The following TECPR2 variants were observed in gnomAD, a reference collection of about 807,000 sequenced individuals.
TECPR2 encodes the protein tectonin beta-propeller repeat containing 2.
A neutral mutation model predicts 138.1 loss-of-function variants in TECPR2; 65 were observed. The observed-to-expected ratio is 0.47, with a 90% CI of 0.39 to 0.58. The LOEUF (loss-of-function observed/expected upper bound fraction) is 0.58. Among genes scored for constraint, TECPR2 ranks in the 20% least tolerant of loss-of-function variants. TECPR2 has a pLI of 0.00. For missense variants in TECPR2, 1,553 were observed against 1,824.5 expected, an observed-to-expected ratio of 0.85 and a Z score of 2.71; for synonymous variants, 746 against 749.8, an observed-to-expected ratio of 0.99 and a Z score of 0.08.
intron 1 of TECPR2, among the ~76,000 whole-genome samples, chr14:102,367,240 T>C (rs140008188): frequency 4.5e-4 from 69 of 152,320 alleles, no homozygotes; most frequent in African/African-American, 1.6e-3. Context: ...CCTTTGTTTT[T>C]TGGGGGGTAA....
At chr14:102,433,021 A>T (rs997393462) in intron 8 of TECPR2, among the ~76,000 whole-genome samples, 2 of 151,330 alleles carry the variant, frequency 1.3e-5, no homozygotes, top group African/African-American at 4.8e-5. Flanking sequence ...AAAAAAAAAA[A>T]GTGTTGGTTT....
At chr14:102,457,684 C>G (rs1890307860) in intron 16 of TECPR2, among the ~76,000 whole-genome samples, 1 of 152,002 alleles carries the variant, frequency 6.6e-6, no homozygotes, top group African/African-American at 2.4e-5. Flanking sequence ...GAATTTAAAA[C>G]CAACCTGGCC....
intron 13 of TECPR2, among the ~76,000 whole-genome samples, chr14:102,448,814 C>T (rs1375018601): frequency 1.3e-5 from 2 of 151,976 alleles, no homozygotes; most frequent in East Asian, 3.9e-4. Context: ...TTGCGGTGAG[C>T]CAAAATTGCA....
chr14:102,491,397 G>T (rs769013377), intron 17 of TECPR2, among the ~76,000 whole-genome samples: 6 of 152,046 alleles, frequency 3.9e-5, no homozygotes, highest in African/African-American at 9.7e-5. Context: ...TTAAATTTTG[G>T]TAGAGACAAG....
intron 2 of TECPR2, among the ~76,000 whole-genome samples, chr14:102,399,116 C>G (rs1190253288): frequency 6.6e-6 from 1 of 152,108 alleles, no homozygotes; most frequent in East Asian, 1.9e-4. Flanking sequence ...AAAAATTAGC[C>G]AGGGATGGTG....
intron 1 of TECPR2, among the ~76,000 whole-genome samples, chr14:102,369,104 G>T (rs1366403528): frequency 6.6e-6 from 1 of 152,166 alleles, no homozygotes; most frequent in Non-Finnish European, 1.5e-5. Flanking sequence ...GTGCCAAGGA[G>T]ATGGTCAGGG....
intron 13 of TECPR2, 109 bp downstream of exon 13, chr14:102,446,056 C>A (rs956945937): frequency 7.9e-7 from 1 of 1,270,352 alleles, no homozygotes; most frequent in Non-Finnish European, 1.1e-6. Flanking sequence ...TTAAAATACT[C>A]ACTTTTTTAT....
intron 17 of TECPR2, among the ~76,000 whole-genome samples, chr14:102,488,308 T>C (rs1037410578): frequency 6.7e-6 from 1 of 148,842 alleles, no homozygotes; most frequent in African/African-American, 2.5e-5. Context: ...TGTAAGCCAC[T>C]GTGCTCGGCC....
intron 16 of TECPR2, among the ~76,000 whole-genome samples, chr14:102,455,583 G>GGA (rs1890257090): frequency 6.6e-6 from 1 of 152,082 alleles, no homozygotes; most frequent in Non-Finnish European, 1.5e-5. Flanking sequence ...AAGTAGCTGG[G>GGA]ACCACAGACA....
Position 102,498,330 on chromosome 14 carries a change from G to C in TECPR2, c.*73G>C, listed in dbSNP as rs1386654201. The C allele has an allele frequency of 6.7e-7, 1 of 1,499,946 alleles. No homozygotes were observed. The highest frequency in any genetic ancestry group is 8.9e-7 in the Non-Finnish European group (1 of 1,126,584). 92.9% of individuals were successfully genotyped at this position (1,499,946 alleles called of 1,614,324 possible). ...CACAGGGGCTTCAGAGTGACTCCCT[G>C]GTGGACGCGCTGCCTCAACACTTGT... On this transcript the variant is annotated 3_prime_UTR_variant, in exon 20 of 20. Transcript: ENST00000359520.
At chr14:102,476,422 G>A (rs552489853) in intron 17 of TECPR2, among the ~76,000 whole-genome samples, 7 of 151,606 alleles carry the variant, frequency 4.6e-5, no homozygotes, top group Middle Eastern at 3.2e-3. Context: ...AATTTGTAGG[G>A]ATTAAAATTG....
Position 102,496,984 on chromosome 14 carries a change from C to T in TECPR2, c.3795C>T (p.Ala1265=), listed in dbSNP as rs1438091716. The change falls in exon 18 of 20, where the codon GCC becomes GCT. Residue 1265 remains alanine (A), a synonymous_variant. Transcript: ENST00000359520. ...AAGTCCCTTCCCGCTTCCAGCCCGC[C>T]GGGGTCAGCTTGGTCAGCGTCCATT... ...WIMIEPPVQP[A]GVSLVSVHSS... The T allele has an allele frequency of 8.7e-6, 14 of 1,613,774 alleles. No homozygotes were observed. Among genetic ancestry groups the T allele is most frequent in the East Asian group, 2.2e-5 (1 of 44,882 alleles).
chr14:102,463,909 G>A (rs777987509), intron 16 of TECPR2, among the ~76,000 whole-genome samples: 5 of 152,200 alleles, frequency 3.3e-5, no homozygotes, highest in Admixed American at 1.3e-4. Flanking sequence ...GGATGACAGA[G>A]CAAGACTCCA....
At chr14:102,431,720 G>A (rs867901365) in intron 7 of TECPR2, 76 bp from the exon 8 acceptor site, 6 of 1,395,604 alleles carry the variant, frequency 4.3e-6, no homozygotes, top group Non-Finnish European at 4.8e-6. Flanking sequence ...TGGTATTTAG[G>A]GCTAGCAAAC....
At chr14:102,452,078 T>C (rs1363144400) in intron 15 of TECPR2, among the ~76,000 whole-genome samples, 2 of 152,202 alleles carry the variant, frequency 1.3e-5, no homozygotes, top group African/African-American at 4.8e-5. Context: ...GTGAAAAACT[T>C]CTCAGCCCAT....
At chr14:102,373,924 T>C (rs1002164950) in intron 1 of TECPR2, among the ~76,000 whole-genome samples, 5 of 151,464 alleles carry the variant, frequency 3.3e-5, no homozygotes, top group African/African-American at 1.2e-4. Context: ...TACTAAAAAA[T>C]ATAAAAATTA....
chr14:102,428,870 G>A (rs1889396001), intron 7 of TECPR2, among the ~76,000 whole-genome samples: 1 of 144,966 alleles, frequency 6.9e-6, no homozygotes. Flanking sequence ...TTTTTGAGAT[G>A]GAGTTTCGCT....
At chr14:102,446,068 A>G (rs890277028) in intron 13 of TECPR2, 121 bp downstream of exon 13, 1 of 1,246,790 alleles carries the variant, frequency 8.0e-7, no homozygotes, top group Non-Finnish European at 1.1e-6. Context: ...CTTTTTTATT[A>G]TTTGTTTGTT....
chr14:102,384,785 C>T (rs184062906), intron 2 of TECPR2, among the ~76,000 whole-genome samples: 160 of 146,230 alleles, frequency 1.1e-3, no homozygotes, highest in Non-Finnish European at 2.1e-4. Flanking sequence ...CACATGGTCA[C>T]ATGGCAAGAG....
Sources: gnomAD v4.1 joint callset for allele counts (sites outside exome capture counted in the v4.1 genomes callset) on GRCh38, gnomAD v4.1.1 for gene constraint, MANE v1.5 for transcripts, NCBI Gene and HGNC (gene_info 2026-07-23, HGNC 2026-07-21) for gene names.